SSBP3: variants seen among roughly 807,000 people sequenced by gnomAD.
SSBP3 encodes single stranded DNA binding protein 3, also known as single-stranded DNA-binding protein 3.
A neutral mutation model predicts 69.6 loss-of-function variants in SSBP3; 5 were observed. That is an observed-to-expected ratio of 0.07 (90% CI 0.04 to 0.15). The LOEUF is 0.15. Among genes scored for constraint, SSBP3 ranks in the 10% least tolerant of loss-of-function variants. SSBP3 has a pLI of 1.00. For synonymous variants in SSBP3, 196 were observed against 193.4 expected (o/e 1.01, Z -0.11); for missense variants, 312 against 534.0 (o/e 0.58, Z 4.10).
rs139127366 is a variant in SSBP3, at chr1:54,251,649, G to C, written c.618C>G (p.Pro206=). Residue 206 remains proline, a synonymous_variant, in exon 9 of 18, where the codon CCC becomes CCG. Transcript: ENST00000610401. ...CGGGACCCATGGGCCCCATGCCTCG[G>C]GGAGGGTTCATTCTCTGCATTGATC... 7.2e-5 allele frequency: 112 copies of C among 1,552,382 alleles called. No individual in the cohort carries two copies. The African/African-American group carries it at 1.5e-3, about 20-fold the overall frequency.
Position 54,304,705 on chromosome 1 carries a change from T to C in SSBP3, c.277-23178A>G, listed in dbSNP as rs190808742. ...ACTGGAGCCAGACCCCAGAATGTTT[T>C]GCTAGACAAGGAACACTGCTGGTGC... On this transcript the variant is annotated intron_variant, in intron 4 of 17. Coordinates refer to ENST00000610401, the Ensembl canonical transcript of SSBP3. Among the ~76,000 whole-genome samples, 132 of 152,232 alleles carry C rather than the reference T, an allele frequency of 8.7e-4. No individual in the cohort carries two copies. The South Asian group carries it at 0.012, about 14-fold the overall frequency.
At chr1:54,268,169 T>C (rs1215436517) in intron 5 of SSBP3, among the ~76,000 whole-genome samples, 1 of 152,166 alleles carries the variant, frequency 6.6e-6, no homozygotes. Flanking sequence ...GGGCCCGGGA[T>C]CCAGACCCAC....
chr1:54,301,778 T>A (rs1342372389), intron 4 of SSBP3, among the ~76,000 whole-genome samples: 3 of 152,142 alleles, frequency 2.0e-5, no homozygotes, highest in African/African-American at 7.2e-5. Context: ...CACCCTAGGT[T>A]CCGGGGCCTT....
chr1:54,402,383 G>C (rs532771310), intron 3 of SSBP3, among the ~76,000 whole-genome samples: 1 of 152,114 alleles, frequency 6.6e-6, no homozygotes, highest in Non-Finnish European at 1.5e-5. Flanking sequence ...CAAAATGGCT[G>C]CATATCCTAA....
At chr1:54,303,915 A>T (rs2101013435) in intron 4 of SSBP3, among the ~76,000 whole-genome samples, 1 of 152,344 alleles carries the variant, frequency 6.6e-6, no homozygotes, top group East Asian at 1.9e-4. Context: ...ATGTGGCTAC[A>T]AGGAGCTCTG....
At chr1:54,344,596 C>T (rs1053110351) in intron 4 of SSBP3, among the ~76,000 whole-genome samples, 4 of 152,146 alleles carry the variant, frequency 2.6e-5, no homozygotes, top group Non-Finnish European at 5.9e-5. Context: ...TTAACACACT[C>T]GGTGTCGTCA....
chr1:54,311,714 C>A (rs1361371023), intron 4 of SSBP3, among the ~76,000 whole-genome samples: 1 of 152,182 alleles, frequency 6.6e-6, no homozygotes, highest in East Asian at 1.9e-4. Flanking sequence ...TCCTACCCTG[C>A]ACCCGTGCCG....
intron 4 of SSBP3, among the ~76,000 whole-genome samples, chr1:54,318,530 C>A (rs1646155498): frequency 1.3e-5 from 2 of 152,142 alleles, no homozygotes; most frequent in Non-Finnish European, 2.9e-5. Context: ...GCTATAGTTA[C>A]ACCAGTTCAT....
At chr1:54,404,818 GGGT>G in intron 2 of SSBP3, 37 bp downstream of exon 2, 1 of 1,082,212 alleles carries the variant, frequency 9.2e-7, no homozygotes, top group Non-Finnish European at 1.3e-6. Flanking sequence ...TGGGGGGGGG[GGGT>G]GTCAAGAAAT....
intron 4 of SSBP3, among the ~76,000 whole-genome samples, chr1:54,346,202 G>C (rs1349735154): frequency 6.6e-6 from 1 of 151,488 alleles, no homozygotes; most frequent in East Asian, 1.9e-4. Context: ...CCATGTGCTT[G>C]TAGTACCATC....
chr1:54,332,529 C>T (rs923904490), intron 4 of SSBP3, among the ~76,000 whole-genome samples: 8 of 152,260 alleles, frequency 5.3e-5, no homozygotes, highest in African/African-American at 1.9e-4. Flanking sequence ...TCTTTCCAAA[C>T]CCCCCTGGCC....
In SSBP3 at chr1:54,306,809, A is replaced by T. The variant is rs750918807; in HGVS notation, c.277-25282T>A. ...GAGACCTGATCTCCACAATAAAAAAATTTTTTTAAATAAAAAAGCACTTCA... is the reference window on the plus strand; with the variant it reads ...GAGACCTGATCTCCACAATAAAAAATTTTTTTTAAATAAAAAAGCACTTCA... On this transcript the variant is annotated intron_variant, in intron 4 of 17. Coordinates refer to ENST00000610401, the Ensembl canonical transcript of SSBP3. Among the ~76,000 whole-genome samples the T allele has an allele frequency of 3.5e-4, 54 of 152,182 alleles. 1 individual carries two copies. The highest frequency in any genetic ancestry group is 6.8e-3 in the Middle Eastern group (2 of 294).
intron 4 of SSBP3, among the ~76,000 whole-genome samples, chr1:54,302,459 G>A (rs55976831): frequency 0.25 from 37,366 of 151,782 alleles, 5,305 homozygotes; most frequent in Middle Eastern, 0.38. Flanking sequence ...TTACAGGCAT[G>A]CACCACCACA....
At chr1:54,294,457 C>T (rs1294804046) in intron 4 of SSBP3, among the ~76,000 whole-genome samples, 1 of 152,196 alleles carries the variant, frequency 6.6e-6, no homozygotes, top group African/African-American at 2.4e-5. Flanking sequence ...CCTTGTATCA[C>T]CCCCTCCCAA....
chr1:54,369,219 G>GGT (rs1647081089), intron 4 of SSBP3, among the ~76,000 whole-genome samples: 1 of 53,122 alleles, frequency 1.9e-5, no homozygotes. Context: ...CTCTTGAGTC[G>GGT]GGGGGGGGGC....
rs528586763 is a variant in SSBP3, at chr1:54,276,686, C to T, written c.366+4752G>A. On this transcript the variant is annotated intron_variant, in intron 5 of 17. Transcript: ENST00000610401. ...CACAGTGCTCAAGTCCCCGTCTCCACGAAGCCACTGGAACAACTGCAGAGT... is the reference window on the plus strand; with the variant it reads ...CACAGTGCTCAAGTCCCCGTCTCCATGAAGCCACTGGAACAACTGCAGAGT... Among the ~76,000 whole-genome samples the T allele has an allele frequency of 6.6e-5, 10 of 151,184 alleles. No individual in the cohort carries two copies. The East Asian group carries it at 7.9e-4, about 12-fold the overall frequency.
In SSBP3 at chr1:54,235,743, C is replaced by T. The variant is rs372155581; in HGVS notation, c.927+3386G>A. Among the ~76,000 whole-genome samples, 41 of 152,108 alleles carry T rather than the reference C, an allele frequency of 2.7e-4. No individual in the cohort carries two copies. In the South Asian group the frequency reaches 8.1e-3, roughly 30 times the overall value. On this transcript the variant is annotated intron_variant, in intron 14 of 17. Coordinates refer to ENST00000610401, the Ensembl canonical transcript of SSBP3. The stretch of plus-strand genomic sequence containing the variant: ...GATTACAGGCATGAGCCACCGTGCC[C>T]GGCCAGATGTCCATCATTTTTTAAC...
At chr1:54,320,591 T>C (rs886783994) in intron 4 of SSBP3, among the ~76,000 whole-genome samples, 9 of 152,190 alleles carry the variant, frequency 5.9e-5, no homozygotes, top group Non-Finnish European at 1.3e-4. Flanking sequence ...GTGCTGGGAT[T>C]ACAATAGGTG....
chr1:54,379,498 A>G (rs528913884), intron 4 of SSBP3, among the ~76,000 whole-genome samples: 1 of 152,312 alleles, frequency 6.6e-6, no homozygotes, highest in African/African-American at 2.4e-5. Context: ...GTCTTCACTG[A>G]GACGCTTGAT....
Sources: allele counts gnomAD v4.1 joint callset (sites outside exome capture counted in the v4.1 genomes callset), GRCh38; gene constraint gnomAD v4.1.1; transcripts MANE v1.5; gene names NCBI Gene and HGNC (gene_info 2026-07-23, HGNC 2026-07-21).